PLEKHG1: variants seen among roughly 807,000 people sequenced by gnomAD.
PLEKHG1 encodes the protein pleckstrin homology domain-containing family G member 1.
In PLEKHG1, 44 loss-of-function variants were observed where a neutral mutation model predicts 100.8. The ratio of observed to expected loss-of-function variants is 0.44; its 90% CI spans 0.34 to 0.56. The LOEUF is 0.56. Ranked by LOEUF, PLEKHG1 falls within the 20% of genes least tolerant of loss-of-function variation. The pLI, the probability that PLEKHG1 is intolerant of heterozygous loss-of-function variation, is 0.01. For synonymous variants in PLEKHG1, 640 were observed against 662.5 expected (o/e 0.97, Z 0.52); for missense variants, 1,545 against 1,720.9 (o/e 0.90, Z 1.81).
chr6:150,816,326 C>CTTTTTTTTTTT lies in PLEKHG1; in HGVS notation c.1279-1836_1279-1826dup. On this transcript the variant is annotated intron_variant, in intron 10 of 15. Coordinates refer to ENST00000358517, the Ensembl canonical transcript of PLEKHG1. The stretch of plus-strand genomic sequence containing the variant: ...GAGGTTTGAAGTTGTCTCAAACATA[C>CTTTTTTTTTTT]TTTTTTTTTTTTTTTTTTTTTTTTT... Among the ~76,000 whole-genome samples the CTTTTTTTTTTT allele has an allele frequency of 7.9e-3, 325 of 41,126 alleles. 88 individuals are homozygous for CTTTTTTTTTTT. Among genetic ancestry groups the CTTTTTTTTTTT allele is most frequent in the Non-Finnish European group, 0.011 (230 of 21,408 alleles). The allele number at this position is 41,126 out of a possible 152,430, so 27.0% of individuals were successfully genotyped here.
intron 3 of PLEKHG1, among the ~76,000 whole-genome samples, chr6:150,704,544 G>C (rs1439268443): frequency 1.3e-5 from 2 of 152,266 alleles, no homozygotes; most frequent in Non-Finnish European, 2.9e-5. Flanking sequence ...GGGGCTGCAG[G>C]CAGCCTTGAG....
At chr6:150,827,613 A>G in intron 14 of PLEKHG1, 1 of 753,052 alleles carries the variant, frequency 1.3e-6, no homozygotes, top group Non-Finnish European at 2.4e-6. Context: ...ATTACCTTAA[A>G]AAGATACTTC....
At chr6:150,713,814 G>T (rs1040265280) in intron 3 of PLEKHG1, among the ~76,000 whole-genome samples, 1 of 152,116 alleles carries the variant, frequency 6.6e-6, no homozygotes, top group Non-Finnish European at 1.5e-5. Context: ...TGCAGCTGTG[G>T]GTTTGTGTCC....
At chr6:150,788,117 A>G (rs569142268) in intron 4 of PLEKHG1, among the ~76,000 whole-genome samples, 2 of 152,358 alleles carry the variant, frequency 1.3e-5, no homozygotes, top group South Asian at 4.1e-4. Flanking sequence ...AATTATTCAC[A>G]TAAAAGTTTG....
rs574622867 is a variant in PLEKHG1, at chr6:150,606,982, AAAGAAGG to A, written c.-204+6969_-204+6975del. Among the ~76,000 whole-genome samples the A allele has an allele frequency of 1.3e-3, 205 of 152,150 alleles. 1 individual carries two copies. Among genetic ancestry groups the A allele is most frequent in the South Asian group, 0.01 (49 of 4,810 alleles). On this transcript the variant is annotated intron_variant, in intron 1 of 3. Transcript: ENST00000367326. ...GAGGGTCAGTCAGCACTTGGCCAAG[AAAGAAGG>A]AAGCAAAGCATGGACCCGTTTTCCT...
chr6:150,750,698 G>A (rs1460093220), intron 2 of PLEKHG1, among the ~76,000 whole-genome samples: 2 of 139,098 alleles, frequency 1.4e-5, no homozygotes, highest in East Asian at 2.1e-4. Flanking sequence ...GGAGAATGGC[G>A]TGAACCCGGG....
At chr6:150,622,619 T>A (rs922051535) in intron 1 of PLEKHG1, among the ~76,000 whole-genome samples, 1 of 152,118 alleles carries the variant, frequency 6.6e-6, no homozygotes, top group Non-Finnish European at 1.5e-5. Flanking sequence ...CCCCTCCCAG[T>A]GTAGACAGAA....
intron 15 of PLEKHG1, among the ~76,000 whole-genome samples, chr6:150,833,809 G>A (rs899411034): frequency 3.9e-5 from 6 of 152,188 alleles, no homozygotes; most frequent in African/African-American, 1.4e-4. Flanking sequence ...ACAATTAAAA[G>A]TGAAAGCTGG....
At chr6:150,612,015 C>G (rs1057300745) in intron 1 of PLEKHG1, among the ~76,000 whole-genome samples, 1 of 149,446 alleles carries the variant, frequency 6.7e-6, no homozygotes, top group Non-Finnish European at 1.5e-5. Flanking sequence ...ATCTCTATTT[C>G]CAGACCTACT....
exon 1 of PLEKHG1, chr6:150,599,911 C>A (rs1371335895): frequency 2.6e-5 from 5 of 189,998 alleles, no homozygotes; most frequent in African/African-American, 4.8e-5. Flanking sequence ...CCGAGCCCGA[C>A]GGCGGCTGCA....
At chr6:150,841,033 A>G in exon 16 of PLEKHG1, 1 of 751,216 alleles carries the variant, frequency 1.3e-6, no homozygotes, top group Non-Finnish European at 2.3e-6. Context: ...TTTCTTTTAC[A>G]GCACAACTTT....
At chr6:150,656,794 A>G (rs1304090896) in intron 3 of PLEKHG1, among the ~76,000 whole-genome samples, 1 of 152,224 alleles carries the variant, frequency 6.6e-6, no homozygotes, top group African/African-American at 2.4e-5. Flanking sequence ...AGGAAGAAAT[A>G]TGAATGGATT....
At chr6:150,832,321 A>T (rs1468005413) in intron 15 of PLEKHG1, 116 bp downstream of exon 16, 22 of 818,374 alleles carry the variant, frequency 2.7e-5, no homozygotes, top group Non-Finnish European at 3.6e-5. Flanking sequence ...AAGCTTTGTC[A>T]TCTCAAAGTA....
upstream of PLEKHG1, among the ~76,000 whole-genome samples, chr6:150,717,415 ATCCT>A (rs1781485929): frequency 6.6e-6 from 1 of 151,830 alleles, no homozygotes; most frequent in African/African-American, 2.4e-5. Flanking sequence ...GCCTCAAGTG[ATCCT>A]TCCTTCCATC....
At chr6:150,733,308 G>C (rs1204426856) in intron 1 of PLEKHG1, among the ~76,000 whole-genome samples, 1 of 152,096 alleles carries the variant, frequency 6.6e-6, no homozygotes, top group Non-Finnish European at 1.5e-5. Flanking sequence ...AAACTTTAAT[G>C]CTTCTAAGTC....
At chr6:150,678,076 A>ATATATAT in intron 3 of PLEKHG1, among the ~76,000 whole-genome samples, 1 of 130,936 alleles carries the variant, frequency 7.6e-6, no homozygotes, top group East Asian at 2.2e-4. Flanking sequence ...ATATATATAT[A>ATATATAT]TATATATATA....
At chr6:150,620,527 C>A (rs1000509478) in intron 1 of PLEKHG1, among the ~76,000 whole-genome samples, 6 of 152,244 alleles carry the variant, frequency 3.9e-5, no homozygotes, top group African/African-American at 1.4e-4. Flanking sequence ...GGCCATCGGG[C>A]CCTCCACACC....
intron 3 of PLEKHG1, among the ~76,000 whole-genome samples, chr6:150,654,096 T>C (rs1286845269): frequency 6.6e-6 from 1 of 152,198 alleles, no homozygotes; most frequent in Non-Finnish European, 1.5e-5. Context: ...ACCCTGGTTA[T>C]TTGATGGAAG....
chr6:150,720,447 T>C (rs573926049), upstream of PLEKHG1, among the ~76,000 whole-genome samples: 2 of 152,346 alleles, frequency 1.3e-5, no homozygotes, highest in South Asian at 2.1e-4. Context: ...GAAATGCATG[T>C]ACATACCAAT....
Sources: gnomAD v4.1 joint callset for allele counts (sites outside exome capture counted in the v4.1 genomes callset) on GRCh38, gnomAD v4.1.1 for gene constraint, MANE v1.5 for transcripts, NCBI Gene and HGNC (gene_info 2026-07-23, HGNC 2026-07-21) for gene names.